Variants in RIMS2 observed in about 807,000 individuals in gnomAD.
RIMS2 encodes regulating synaptic membrane exocytosis 2.
In RIMS2, 59 loss-of-function variants were observed where a neutral mutation model predicts 174.4. That is an observed-to-expected ratio of 0.34 (90% CI 0.27 to 0.42). RIMS2 has a LOEUF of 0.42. Ranked by LOEUF, RIMS2 falls within the 10% of genes least tolerant of loss-of-function variation. RIMS2 has a pLI of 1.00. For missense variants in RIMS2, 1,620 were observed against 1,666.3 expected, an observed-to-expected ratio of 0.97 and a Z score of 0.48; for synonymous variants, 606 against 572.5, an observed-to-expected ratio of 1.06 and a Z score of -0.84.
At chr8:103,909,262 T>G (rs1158722374) in intron 4 of RIMS2, among the ~76,000 whole-genome samples, 1 of 151,972 alleles carries the variant, frequency 6.6e-6, no homozygotes, top group Non-Finnish European at 1.5e-5. Context: ...AATAAAATTA[T>G]AAATAGAATT....
chr8:103,997,331 C>T (rs2095168075), intron 17 of RIMS2, among the ~76,000 whole-genome samples: 3 of 151,626 alleles, frequency 2.0e-5, no homozygotes, highest in African/African-American at 4.8e-5. Context: ...TCTTTTGGTG[C>T]AGAAGACAAG....
At chr8:103,995,214 T>G (rs2154551260) in intron 17 of RIMS2, among the ~76,000 whole-genome samples, 1 of 152,250 alleles carries the variant, frequency 6.6e-6, no homozygotes, top group South Asian at 2.1e-4. Flanking sequence ...GATTTTACTT[T>G]TTAGTGCAAT....
intron 15 of RIMS2, among the ~76,000 whole-genome samples, chr8:103,964,027 A>G (rs1481628453): frequency 6.6e-6 from 1 of 152,158 alleles, no homozygotes; most frequent in African/African-American, 2.4e-5. Flanking sequence ...GTGCTGAATA[A>G]TATTCCATTG....
intron 1 of RIMS2, among the ~76,000 whole-genome samples, chr8:103,530,961 A>G (rs1836775211): frequency 1.3e-5 from 2 of 151,622 alleles, no homozygotes; most frequent in Admixed American, 1.3e-4. Context: ...TTCTGTCTGT[A>G]TGTTATACTT....
At chr8:103,918,668 A>G in intron 9 of RIMS2, 181 bp downstream of exon 12, 1 of 570,108 alleles carries the variant, frequency 1.8e-6, no homozygotes, top group Admixed American at 3.0e-5. Flanking sequence ...ACAAAAATGT[A>G]GAATATTTTA....
intron 19 of RIMS2, among the ~76,000 whole-genome samples, chr8:104,047,399 C>T (rs188585381): frequency 5.1e-4 from 77 of 152,224 alleles, no homozygotes; most frequent in African/African-American, 1.8e-3. Context: ...AAATATTGGT[C>T]TGAGAAGCAG....
At chr8:104,009,906 G>A (rs2095701982) in intron 17 of RIMS2, among the ~76,000 whole-genome samples, 1 of 151,930 alleles carries the variant, frequency 6.6e-6, no homozygotes, top group Non-Finnish European at 1.5e-5. Flanking sequence ...AGTATTCTTA[G>A]TATTTATCAT....
intron 1 of RIMS2, among the ~76,000 whole-genome samples, chr8:103,511,386 A>G (rs1401335726): frequency 6.6e-6 from 1 of 152,228 alleles, no homozygotes. Context: ...AAGACTCAGC[A>G]TAACTTTATA....
intron 19 of RIMS2, among the ~76,000 whole-genome samples, chr8:104,080,305 C>T (rs1331147973): frequency 1.3e-5 from 2 of 151,988 alleles, no homozygotes; most frequent in East Asian, 1.9e-4. Flanking sequence ...TTTAATCAGT[C>T]TCATCATTAA....
intron 2 of RIMS2, among the ~76,000 whole-genome samples, chr8:103,747,279 T>A (rs895726323): frequency 2.3e-5 from 3 of 129,490 alleles, no homozygotes; most frequent in African/African-American, 6.0e-5. Context: ...AGTGTGATGA[T>A]CCCCTTCCTG....
At chr8:103,502,540 T>G (rs1457326707) in intron 1 of RIMS2, among the ~76,000 whole-genome samples, 1 of 152,140 alleles carries the variant, frequency 6.6e-6, no homozygotes, top group Non-Finnish European at 1.5e-5. Flanking sequence ...CCTTCAGATA[T>G]GAAGAAATTA....
At chr8:103,989,406 C>T in exon 17 of RIMS2, 1 of 1,579,574 alleles carries the variant, frequency 6.3e-7, no homozygotes, top group Non-Finnish European at 8.7e-7. Flanking sequence ...GACCATTATT[C>T]TCCAGATAGA....
intron 3 of RIMS2, among the ~76,000 whole-genome samples, chr8:103,861,862 A>G (rs1216578123): frequency 6.6e-6 from 1 of 151,900 alleles, no homozygotes; most frequent in Non-Finnish European, 1.5e-5. Context: ...TTTGAGTTCC[A>G]TGTAGATTCT....
At chr8:103,979,404 G>A (rs2093703039) in intron 16 of RIMS2, among the ~76,000 whole-genome samples, 2 of 152,166 alleles carry the variant, frequency 1.3e-5, no homozygotes, top group African/African-American at 4.8e-5. Context: ...ATTATTTAAT[G>A]AAAACAGTAT....
At chr8:103,889,551 G>A (rs1319995515) in intron 4 of RIMS2, among the ~76,000 whole-genome samples, 2 of 151,642 alleles carry the variant, frequency 1.3e-5, no homozygotes, top group African/African-American at 4.8e-5. Flanking sequence ...GTACATCATA[G>A]CTTCTACTAC....
intron 19 of RIMS2, among the ~76,000 whole-genome samples, chr8:104,184,713 T>C (rs1467710786): frequency 1.3e-5 from 2 of 151,474 alleles, no homozygotes; most frequent in African/African-American, 4.8e-5. Flanking sequence ...TACAAAAAGA[T>C]ACAGTAAAAA....
At chr8:103,789,353 G>T (rs927903710) in intron 3 of RIMS2, among the ~76,000 whole-genome samples, 1 of 152,026 alleles carries the variant, frequency 6.6e-6, no homozygotes, top group Non-Finnish European at 1.5e-5. Context: ...GGATCTCTCT[G>T]ACTTCTGTCT....
In RIMS2 at chr8:103,608,276, C is replaced by T. The variant is rs937329585; in HGVS notation, c.177-88810C>T. On this transcript the variant is annotated intron_variant, in intron 1 of 23. Transcript: ENST00000504942. ...CTGGGCCCTGTGAGGTGTCAATCTG[C>T]CCCTGCTGGGGGGTGCCTCCCAGTT... 2.8e-5 allele frequency among the ~76,000 whole-genome samples: 4 copies of T among 143,356 alleles called. 1 individual carries two copies. Among genetic ancestry groups the T allele is most frequent in the South Asian group, 2.1e-4 (1 of 4,676 alleles). The allele number at this position is 143,356 out of a possible 152,430, so 94.0% of individuals were successfully genotyped here.
intron 1 of RIMS2, among the ~76,000 whole-genome samples, chr8:103,532,575 G>A (rs984592735): frequency 6.6e-6 from 1 of 152,182 alleles, no homozygotes; most frequent in African/African-American, 2.4e-5. Flanking sequence ...ATATGGAATT[G>A]GAGCAAAGCT....
Sources: gnomAD v4.1 joint callset for allele counts (sites outside exome capture counted in the v4.1 genomes callset) on GRCh38, gnomAD v4.1.1 for gene constraint, MANE v1.5 for transcripts, NCBI Gene and HGNC (gene_info 2026-07-23, HGNC 2026-07-21) for gene names.